Variants in TRAK1 observed in about 807,000 individuals in gnomAD.
The protein encoded by TRAK1 is trafficking kinesin protein 1, also known as trafficking kinesin-binding protein 1.
Under a neutral mutation model 92.1 loss-of-function variants are expected in TRAK1, and 33 were observed. That is an observed-to-expected ratio of 0.36 (90% CI 0.27 to 0.48). The LOEUF (loss-of-function observed/expected upper bound fraction) is 0.48. Ranked by LOEUF, TRAK1 falls within the 20% of genes least tolerant of loss-of-function variation. TRAK1 has a pLI of 0.99. For synonymous variants in TRAK1, 521 were observed against 517.3 expected (o/e 1.01, Z -0.10); for missense variants, 1,123 against 1,257.9 (o/e 0.89, Z 1.62).
chr3:42,041,532 A>G (rs1044641340), intron 1 of TRAK1, among the ~76,000 whole-genome samples: 5 of 149,714 alleles, frequency 3.3e-5, no homozygotes, highest in African/African-American at 7.3e-5. Context: ...AGGACTTTCT[A>G]TTTGTAAGAT....
intron 1 of TRAK1, among the ~76,000 whole-genome samples, chr3:42,097,045 C>T (rs750430468): frequency 1.7e-4 from 26 of 152,178 alleles, no homozygotes; most frequent in South Asian, 2.1e-4. Flanking sequence ...ATGTATGTCC[C>T]CTCCCCTGCT....
intron 1 of TRAK1, among the ~76,000 whole-genome samples, chr3:42,030,685 AAAG>A (rs1702099558): frequency 1.7e-5 from 2 of 116,122 alleles, no homozygotes; most frequent in African/African-American, 7.5e-5. Flanking sequence ...AAAAAAAAAA[AAAG>A]AATATATATA....
In TRAK1 at chr3:42,201,883, GACACACACACACACAC is replaced by G. The variant is rs56336064; in HGVS notation, c.1428-520_1428-505del. 5.9e-3 allele frequency among the ~76,000 whole-genome samples: 734 copies of G among 125,178 alleles called. 4 individuals are homozygous for G. Among genetic ancestry groups the G allele is most frequent in the Non-Finnish European group, 8.7e-3 (523 of 59,776 alleles). The allele number at this position is 125,178 out of a possible 152,430, so 82.1% of individuals were successfully genotyped here. On this transcript the variant is annotated intron_variant, in intron 12 of 15. Coordinates refer to ENST00000327628, the MANE Select transcript of TRAK1 (RefSeq NM_001042646.3). ...GGACGGACGGACGGACGGACAGACG[GACACACACACACACAC>G]ACACACACACACACACACACACACA...
intron 1 of TRAK1, among the ~76,000 whole-genome samples, chr3:42,024,749 T>C (rs1447466867): frequency 6.6e-6 from 1 of 152,242 alleles, no homozygotes; most frequent in Admixed American, 6.5e-5. Flanking sequence ...TACACACCCA[T>C]GCTATTGTGT....
intron 1 of TRAK1, among the ~76,000 whole-genome samples, chr3:42,077,983 G>A (rs932967006): frequency 3.3e-5 from 5 of 152,192 alleles, no homozygotes; most frequent in South Asian, 2.1e-4. Context: ...TACTTCTTCC[G>A]CAGTTTGACA....
In TRAK1 at chr3:42,072,918, G is replaced by A. The variant is rs138600581; in HGVS notation, c.-518-14186G>A. 4.5e-3 allele frequency among the ~76,000 whole-genome samples: 691 copies of A among 152,194 alleles called. 3 individuals are homozygous for A. The highest frequency in any genetic ancestry group is 7.7e-3 in the Non-Finnish European group (526 of 68,012). Reference sequence around the variant, plus strand: ...GTGACCGTTGATTTATTATTTGGGGGGATTCCCTTTTTCCAGGGCCAGAGA... The same window carrying A: ...GTGACCGTTGATTTATTATTTGGGGAGATTCCCTTTTTCCAGGGCCAGAGA... On this transcript the variant is annotated intron_variant, in intron 1 of 16. Coordinates refer to the TRAK1 transcript ENST00000487159.
At chr3:42,052,221 C>T (rs994200416) in intron 1 of TRAK1, among the ~76,000 whole-genome samples, 2 of 152,234 alleles carry the variant, frequency 1.3e-5, no homozygotes, top group Admixed American at 6.5e-5. Flanking sequence ...ATTACTTGCT[C>T]TTTCAGCAGT....
chr3:42,109,657 G>A (rs1210774044), intron 1 of TRAK1, among the ~76,000 whole-genome samples: 1 of 152,152 alleles, frequency 6.6e-6, no homozygotes, highest in African/African-American at 2.4e-5. Context: ...GCACACGTAT[G>A]TTTATTGTGG....
upstream of TRAK1, among the ~76,000 whole-genome samples, chr3:42,086,133 G>A (rs548179553): frequency 4.6e-5 from 7 of 152,336 alleles, no homozygotes; most frequent in South Asian, 1.2e-3. Flanking sequence ...AGTTGAGGCA[G>A]CGGCACTCCT....
At chr3:42,204,325 T>G in intron 13 of TRAK1, 2 of 924,294 alleles carry the variant, frequency 2.2e-6, no homozygotes, top group Non-Finnish European at 2.6e-6. Flanking sequence ...GAATTTATTT[T>G]CAAAGCACAT....
chr3:42,112,752 A>AAT (rs540538169), intron 1 of TRAK1, among the ~76,000 whole-genome samples: 1 of 139,468 alleles, frequency 7.2e-6, no homozygotes, highest in South Asian at 2.3e-4. Context: ...AAAAAAAAAA[A>AAT]AAAACCAACT....
In TRAK1 at chr3:42,191,551, T is replaced by C. The variant is rs1705741298; in HGVS notation, c.691-7T>C. The C allele has an allele frequency of 5.0e-6, 8 of 1,585,964 alleles. No homozygotes were observed. Among genetic ancestry groups the C allele is most frequent in the Non-Finnish European group, 6.9e-6 (8 of 1,165,440 alleles). On this transcript the variant is annotated splice_polypyrimidine_tract_variant and splice_region_variant and intron_variant, in intron 6 of 15. Coordinates refer to ENST00000327628, the MANE Select transcript of TRAK1 (RefSeq NM_001042646.3). ...TGTGGGGCCTCTGACCTGGGTCTTG[T>C]CTACAGGCCAGCCAGCTGAAGACAG...
chr3:42,177,278 G>T (rs1010522568), intron 3 of TRAK1, among the ~76,000 whole-genome samples: 2 of 152,180 alleles, frequency 1.3e-5, no homozygotes, highest in South Asian at 2.1e-4. Context: ...GTGGAATATT[G>T]TGCAGTGTCA....
intron 1 of TRAK1, among the ~76,000 whole-genome samples, chr3:42,036,715 A>C (rs17219472): frequency 0.074 from 11,222 of 152,182 alleles, 478 homozygotes; most frequent in Middle Eastern, 0.21. Flanking sequence ...GTAACAGCCA[A>C]ATGCCTTTTA....
chr3:42,136,080 C>G (rs1399730220), intron 2 of TRAK1, among the ~76,000 whole-genome samples: 2 of 152,128 alleles, frequency 1.3e-5, no homozygotes, highest in African/African-American at 4.8e-5. Context: ...GGTTCTGAAA[C>G]CTGTTTCTCT....
intron 1 of TRAK1, among the ~76,000 whole-genome samples, chr3:42,034,366 A>T (rs1702253311): frequency 6.6e-6 from 1 of 152,142 alleles, no homozygotes; most frequent in Non-Finnish European, 1.5e-5. Flanking sequence ...ATCACGGCTC[A>T]CTGCAGCCTC....
intron 6 of TRAK1, among the ~76,000 whole-genome samples, chr3:42,191,292 A>G (rs1022226781): frequency 2.6e-5 from 4 of 152,196 alleles, no homozygotes; most frequent in African/African-American, 7.2e-5. Flanking sequence ...TAACAGAGCA[A>G]GCTGTAGAGC....
In TRAK1 at chr3:42,204,873, C is replaced by T. The variant is rs191548033; in HGVS notation, c.1744+2121C>T. On this transcript the variant is annotated intron_variant, in intron 13 of 15. Transcript: ENST00000327628. ...TTAGGATTACAGGCATGAGTCACCACACCTGGCTCAGACTTCTTAGCTGTT... is the reference window on the plus strand; with the variant it reads ...TTAGGATTACAGGCATGAGTCACCATACCTGGCTCAGACTTCTTAGCTGTT... 3.9e-5 allele frequency among the ~76,000 whole-genome samples: 6 copies of T among 152,326 alleles called. No individual in the cohort carries two copies. In the East Asian group the frequency reaches 7.7e-4, roughly 20 times the overall value.
At chr3:42,053,375 T>TGGGGGGGGG (rs760432112) in intron 1 of TRAK1, among the ~76,000 whole-genome samples, 2 of 50,622 alleles carry the variant, frequency 4.0e-5, no homozygotes, top group Admixed American at 2.5e-4. Context: ...CAGAGTCGGG[T>TGGGGGGGGG]GGGGGGGGGG....
Sources: gnomAD v4.1 joint callset for allele counts (sites outside exome capture counted in the v4.1 genomes callset) on GRCh38, gnomAD v4.1.1 for gene constraint, MANE v1.5 for transcripts, NCBI Gene and HGNC (gene_info 2026-07-23, HGNC 2026-07-21) for gene names.